Variants in KCNB2 observed in about 807,000 individuals in gnomAD.
KCNB2 encodes potassium voltage-gated channel subfamily B member 2.
A neutral mutation model predicts 61.5 loss-of-function variants in KCNB2; 15 were observed. That is an observed-to-expected ratio of 0.24 (90% confidence interval 0.16 to 0.38). The LOEUF is 0.38. Among genes scored for constraint, KCNB2 ranks in the 10% least tolerant of loss-of-function variants. The probability of loss-of-function intolerance (pLI) is 1.00; values close to 1 mark genes in which losing one functional copy is unlikely to be tolerated. For synonymous variants in KCNB2, 457 were observed against 446.0 expected, an observed-to-expected ratio of 1.02 and a Z score of -0.31; for missense variants, 828 against 1,125.2, an observed-to-expected ratio of 0.74 and a Z score of 3.78.
chr8:72,918,838 G>C (rs1387608902), intron 2 of KCNB2, among the ~76,000 whole-genome samples: 1 of 152,160 alleles, frequency 6.6e-6, no homozygotes, highest in African/African-American at 2.4e-5. Flanking sequence ...AATGTGTTTA[G>C]TCATGCCCTC....
intron 2 of KCNB2, among the ~76,000 whole-genome samples, chr8:72,762,734 T>C (rs1385099771): frequency 2.0e-5 from 3 of 152,112 alleles, no homozygotes; most frequent in South Asian, 2.1e-4. Context: ...TTAGCTCTTA[T>C]TATTCTGTGT....
At chr8:72,761,208 A>G (rs1293348898) in intron 2 of KCNB2, among the ~76,000 whole-genome samples, 3 of 151,748 alleles carry the variant, frequency 2.0e-5, no homozygotes, top group Admixed American at 6.6e-5. Context: ...ATGCTGCCCC[A>G]CTCTCTACCC....
intron 2 of KCNB2, among the ~76,000 whole-genome samples, chr8:72,702,386 A>T (rs928181273): frequency 3.3e-5 from 5 of 152,164 alleles, no homozygotes; most frequent in Non-Finnish European, 7.3e-5. Flanking sequence ...AACACCAAAC[A>T]AATTGTGCCA....
At chr8:72,918,234 A>G (rs1806439341) in intron 2 of KCNB2, among the ~76,000 whole-genome samples, 1 of 152,214 alleles carries the variant, frequency 6.6e-6, no homozygotes, top group African/African-American at 2.4e-5. Context: ...CAAGCAGCAT[A>G]AAAGTTGTGT....
chr8:72,669,166 A>C (rs1806523820), intron 2 of KCNB2, among the ~76,000 whole-genome samples: 1 of 152,138 alleles, frequency 6.6e-6, no homozygotes, highest in African/African-American at 2.4e-5. Context: ...ACCAGGCAGA[A>C]AGCTACCTGT....
chr8:72,725,595 A>G (rs1279366594), intron 2 of KCNB2, among the ~76,000 whole-genome samples: 984 of 84,476 alleles, frequency 0.012, 19 homozygotes, highest in African/African-American at 0.05. Context: ...ATGTATGTAT[A>G]TATATATATA....
chr8:72,546,920 A>G (rs1197493705), intron 1 of KCNB2, among the ~76,000 whole-genome samples: 1 of 152,242 alleles, frequency 6.6e-6, no homozygotes, highest in East Asian at 1.9e-4. Flanking sequence ...AGGCCTTTCC[A>G]TAGCTAGAGA....
At chr8:72,824,901 A>G (rs140854484) in intron 2 of KCNB2, among the ~76,000 whole-genome samples, 112 of 152,326 alleles carry the variant, frequency 7.4e-4, no homozygotes, top group African/African-American at 2.6e-3. Context: ...AAATATACAT[A>G]ACATAAAATC....
chr8:72,900,501 T>A (rs1218021626), intron 2 of KCNB2, among the ~76,000 whole-genome samples: 1 of 152,062 alleles, frequency 6.6e-6, no homozygotes, highest in Non-Finnish European at 1.5e-5. Flanking sequence ...CATGTGGAAC[T>A]TAATTAAACT....
chr8:72,667,052 TAGAG>T (rs1278433253), intron 2 of KCNB2, among the ~76,000 whole-genome samples: 2 of 150,110 alleles, frequency 1.3e-5, no homozygotes, highest in African/African-American at 2.5e-5. Flanking sequence ...CAGAGAGAGA[TAGAG>T]AGAAAGAGAG....
At chr8:72,733,121 T>C (rs886199198) in intron 2 of KCNB2, among the ~76,000 whole-genome samples, 1 of 152,120 alleles carries the variant, frequency 6.6e-6, no homozygotes, top group Non-Finnish European at 1.5e-5. Flanking sequence ...CATACAAACG[T>C]GAAGGTTATT....
intron 2 of KCNB2, among the ~76,000 whole-genome samples, chr8:72,626,932 T>A (rs553240094): frequency 6.6e-6 from 1 of 152,344 alleles, no homozygotes; most frequent in Non-Finnish European, 1.5e-5. Context: ...CATCTTCTGA[T>A]GCCATAATCA....
chr8:72,618,046 G>C (rs1055223991), intron 2 of KCNB2, among the ~76,000 whole-genome samples: 1 of 152,100 alleles, frequency 6.6e-6, no homozygotes, highest in Non-Finnish European at 1.5e-5. Context: ...CACTCACCTT[G>C]GTACCTGCAC....
At chr8:72,838,472 T>C (rs1477181604) in intron 2 of KCNB2, among the ~76,000 whole-genome samples, 1 of 152,240 alleles carries the variant, frequency 6.6e-6, no homozygotes, top group African/African-American at 2.4e-5. Flanking sequence ...TAGTATTCCA[T>C]GGTATATATG....
intron 1 of KCNB2, among the ~76,000 whole-genome samples, chr8:72,559,732 G>A (rs1806484299): frequency 6.6e-6 from 1 of 152,212 alleles, no homozygotes; most frequent in Non-Finnish European, 1.5e-5. Flanking sequence ...TCAACTTCGT[G>A]TAGTTTGGAT....
At chr8:72,665,795 T>C (rs1806460747) in intron 2 of KCNB2, among the ~76,000 whole-genome samples, 1 of 152,246 alleles carries the variant, frequency 6.6e-6, no homozygotes, top group Non-Finnish European at 1.5e-5. Flanking sequence ...TTATGTTCTA[T>C]TCAACTGAAA....
intron 2 of KCNB2, among the ~76,000 whole-genome samples, chr8:72,652,908 AG>A (rs762303957): frequency 6.6e-6 from 1 of 152,138 alleles, no homozygotes; most frequent in Non-Finnish European, 1.5e-5. Context: ...TCTGCACTCA[AG>A]GGGTCAGCAG....
intron 2 of KCNB2, among the ~76,000 whole-genome samples, chr8:72,781,321 T>G (rs1585890000): frequency 6.6e-6 from 1 of 152,168 alleles, no homozygotes; most frequent in Non-Finnish European, 1.5e-5. Context: ...TTGCCTAGAT[T>G]TTATTCTAGG....
At chr8:72,713,419 C>A (rs1174383287) in intron 2 of KCNB2, among the ~76,000 whole-genome samples, 2 of 152,192 alleles carry the variant, frequency 1.3e-5, no homozygotes, top group Non-Finnish European at 2.9e-5. Flanking sequence ...CCACTAGGGG[C>A]CAACTGACAC....
Sources: allele counts gnomAD v4.1 joint callset (sites outside exome capture counted in the v4.1 genomes callset), GRCh38; gene constraint gnomAD v4.1.1; transcripts MANE v1.5; gene names NCBI Gene and HGNC (gene_info 2026-07-23, HGNC 2026-07-21).